Variants in RASA4B observed in about 807,000 individuals in gnomAD.
RASA4B encodes RAS p21 protein activator 4B.
In RASA4B, 2 loss-of-function variants were observed where a neutral mutation model predicts 24.2. The observed-to-expected ratio is 0.08, with a 90% CI of 0.03 to 0.26. RASA4B has a LOEUF of 0.26. Ranked by LOEUF, RASA4B falls within the 10% of genes least tolerant of loss-of-function variation. RASA4B has a pLI of 1.00. For synonymous variants in RASA4B, 2 were observed against 125.6 expected (o/e 0.02, Z 6.58); for missense variants, 8 against 277.2 (o/e 0.03, Z 6.90).
At chr7:102,496,719 G>A in intron 9 of RASA4B, 100 bp from the exon 10 acceptor site, 1 of 1,235,430 alleles carries the variant, frequency 8.1e-7, no homozygotes, top group Non-Finnish European at 1.1e-6. Context: ...CTGGGGACGG[G>A]GCCCTGGACA....
chr7:102,500,458 G>A (rs1252447897), intron 8 of RASA4B, among the ~76,000 whole-genome samples: 3 of 141,712 alleles, frequency 2.1e-5, no homozygotes, highest in African/African-American at 5.1e-5. Flanking sequence ...GGGACAGAGT[G>A]AGACTCCATC....
chr7:102,490,759 C>G lies in RASA4B; in HGVS notation c.1968+227G>C, dbSNP rs1186993113. On this transcript the variant is annotated intron_variant, in intron 17 of 20. Transcript: ENST00000465829. ...CACTCCCACAGAGCTCAGGCCACTCCCATAGCACCCAGGCCATTCCCACAG... is the reference window on the plus strand; with the variant it reads ...CACTCCCACAGAGCTCAGGCCACTCGCATAGCACCCAGGCCATTCCCACAG... 4.0e-5 allele frequency among the ~76,000 whole-genome samples: 6 copies of G among 151,398 alleles called. No individual in the cohort carries two copies. In the Admixed American group the frequency reaches 4.0e-4, roughly 10 times the overall value.
chr7:102,500,547 G>C (rs1799330037), intron 8 of RASA4B, among the ~76,000 whole-genome samples, 152 bp downstream of exon 8: 1 of 136,542 alleles, frequency 7.3e-6, no homozygotes, highest in Non-Finnish European at 1.6e-5. Flanking sequence ...AAGGATGCTG[G>C]CTAGGTGGGC....
chr7:102,480,390 G>A lies in RASA4B; in HGVS notation c.*3202C>T, dbSNP rs1190495594. On this transcript the variant is annotated 3_prime_UTR_variant, in exon 21 of 21. Coordinates refer to ENST00000465829, the MANE Select transcript of RASA4B (RefSeq NM_001367767.2). ...GTTTGGAGCTCTCCAAGTTGAGAGT[G>A]CAGAGGAGTGTGAGATGCGTGTGAA... is the stretch of plus-strand genomic sequence containing the variant. Among the ~76,000 whole-genome samples the A allele has an allele frequency of 6.7e-6, 1 of 149,640 alleles. No homozygotes were observed. The highest frequency in any genetic ancestry group is 2.4e-5 in the African/African-American group (1 of 40,884).
intron 5 of RASA4B, among the ~76,000 whole-genome samples, chr7:102,506,254 CTTTT>C (rs1177476169): frequency 3.3e-5 from 5 of 152,112 alleles, no homozygotes; most frequent in Admixed American, 6.5e-5. Context: ...TTTTTTCTTT[CTTTT>C]TTATTTTTTT....
In RASA4B at chr7:102,496,635, CG is replaced by C; in HGVS notation, c.856-17del. The C allele has an allele frequency of 2.6e-6, 3 of 1,171,240 alleles. No individual in the cohort carries two copies. Among genetic ancestry groups the C allele is most frequent in the Non-Finnish European group, 3.6e-6 (3 of 830,902 alleles). 72.6% of individuals were successfully genotyped at this position (1,171,240 alleles called of 1,614,324 possible). ...GCCCTGGGCCCTGCAGGGAGAGGCA[CG>C]GGGGATCCCGAACCTTTCCCTCTGA... is the stretch of plus-strand genomic sequence containing the variant. On this transcript the variant is annotated splice_polypyrimidine_tract_variant and intron_variant, in intron 9 of 20. Coordinates refer to ENST00000465829, the MANE Select transcript of RASA4B (RefSeq NM_001367767.2).
At chr7:102,512,423 GC>G (rs1485482141) in intron 1 of RASA4B, among the ~76,000 whole-genome samples, 1 of 5,740 alleles carries the variant, frequency 1.7e-4, no homozygotes, top group African/African-American at 7.8e-4. Flanking sequence ...GAGGGAGGGG[GC>G]TGAGAGGGAG....
intron 18 of RASA4B, among the ~76,000 whole-genome samples, chr7:102,485,453 GT>G (rs1159448978): frequency 1.3e-3 from 192 of 148,650 alleles, no homozygotes; most frequent in African/African-American, 4.3e-3. Flanking sequence ...GTAACTTTTG[GT>G]TTTTTTTGAG....
At chr7:102,489,640 C>A (rs74558171) in intron 17 of RASA4B, among the ~76,000 whole-genome samples, 7 of 143,034 alleles carry the variant, frequency 4.9e-5, no homozygotes, top group Admixed American at 1.5e-4. Flanking sequence ...CTACAGGCAC[C>A]CACCACCACA....
At chr7:102,499,202 A>T (rs1268219844) in intron 8 of RASA4B, among the ~76,000 whole-genome samples, 1 of 121,304 alleles carries the variant, frequency 8.2e-6, no homozygotes, top group African/African-American at 2.6e-5. Context: ...AAATATATAT[A>T]TATATATATT....
chr7:102,490,774 CATTCCCACA>C, intron 17 of RASA4B, among the ~76,000 whole-genome samples: 1 of 16,410 alleles, frequency 6.1e-5, no homozygotes, highest in South Asian at 1.3e-3. Context: ...GCACCCAGGC[CATTCCCACA>C]GCACCCAGGG....
intron 2 of RASA4B, among the ~76,000 whole-genome samples, chr7:102,511,382 T>C (rs1191559663): frequency 2.2e-5 from 2 of 91,690 alleles, no homozygotes; most frequent in Non-Finnish European, 4.7e-5. Context: ...CGAGGGATAT[T>C]ACTATGGGAC....
intron 14 of RASA4B, 58 bp from the exon 15 acceptor site, chr7:102,494,027 C>CA: frequency 6.0e-6 from 1 of 167,662 alleles, no homozygotes. Flanking sequence ...AGCCACTGCA[C>CA]CCCCTCCCAC....
intron 8 of RASA4B, among the ~76,000 whole-genome samples, chr7:102,498,218 T>G (rs1799230541): frequency 6.7e-6 from 1 of 148,244 alleles, no homozygotes; most frequent in Admixed American, 6.9e-5. Context: ...ATATTTTTAG[T>G]ATAGGTATGT....
At chr7:102,511,499 TA>T (rs1799696380) in intron 2 of RASA4B, among the ~76,000 whole-genome samples, 1 of 117,098 alleles carries the variant, frequency 8.5e-6, no homozygotes, top group African/African-American at 3.1e-5. Context: ...CCACTTTTAC[TA>T]GGCATGTGAC....
At chr7:102,512,644 GGAGGGGGAGAGAGGGAGGAGAGTAA>G (rs1799724491) in intron 1 of RASA4B, among the ~76,000 whole-genome samples, 1 of 47,002 alleles carries the variant, frequency 2.1e-5, no homozygotes, top group Non-Finnish European at 4.6e-5. Flanking sequence ...GAGGAGAGTA[GGAGGGGGAGAGAGGGAGGAGAGTAA>G]GAGGAAGGAG....
intron 5 of RASA4B, among the ~76,000 whole-genome samples, chr7:102,506,407 C>T (rs1385846826): frequency 1.3e-5 from 2 of 152,100 alleles, no homozygotes; most frequent in African/African-American, 4.8e-5. Flanking sequence ...CCACCATGCC[C>T]GGCTAATTGT....
At position 102,481,665 on chromosome 7, in the gene RASA4B, C is replaced by CA. The variant is rs553740659; in HGVS notation, c.*1926dup. 0.012 allele frequency among the ~76,000 whole-genome samples: 424 copies of CA among 35,838 alleles called. 5 individuals carry two copies. Among genetic ancestry groups the CA allele is most frequent in the Middle Eastern group, 0.021 (1 of 48 alleles). 23.5% of individuals were successfully genotyped at this position (35,838 alleles called of 152,430 possible). ...TGGGCAACACAGTGAGACTCTGTCT[C>CA]AAAAAAAAAAAAAAAAAAAATTATA... is the stretch of plus-strand genomic sequence containing the variant. On this transcript the variant is annotated 3_prime_UTR_variant, in exon 21 of 21. Coordinates refer to ENST00000465829, the MANE Select transcript of RASA4B (RefSeq NM_001367767.2).
intron 8 of RASA4B, among the ~76,000 whole-genome samples, chr7:102,497,954 C>A (rs1199301642): frequency 4.0e-4 from 28 of 70,394 alleles, no homozygotes; most frequent in Non-Finnish European, 8.0e-4. Context: ...CAAAGCTGAA[C>A]CACTGAGGGC....
Sources: allele counts gnomAD v4.1 joint callset (sites outside exome capture counted in the v4.1 genomes callset), GRCh38; gene constraint gnomAD v4.1.1; transcripts MANE v1.5; gene names NCBI Gene and HGNC (gene_info 2026-07-23, HGNC 2026-07-21).